Variants in PRICKLE1 observed in about 807,000 individuals in gnomAD.
The protein encoded by PRICKLE1 is prickle-like protein 1.
Under a neutral mutation model 70.2 loss-of-function variants are expected in PRICKLE1, and 14 were observed. That is an observed-to-expected ratio of 0.20 (90% CI 0.13 to 0.31). The LOEUF (loss-of-function observed/expected upper bound fraction) is 0.31. PRICKLE1 is among the 10% of genes least tolerant of loss of function. The pLI, the probability that PRICKLE1 is intolerant of heterozygous loss-of-function variation, is 1.00. For missense variants in PRICKLE1, 821 were observed against 1,026.2 expected (o/e 0.80, Z 2.73); for synonymous variants, 357 against 379.9 (o/e 0.94, Z 0.70).
In PRICKLE1 at chr12:42,521,688, G is replaced by A. The variant is rs541397592; in HGVS notation, c.-48-49124C>T. 4.6e-5 allele frequency among the ~76,000 whole-genome samples: 7 copies of A among 151,710 alleles called. No homozygotes were observed. In the South Asian group the frequency reaches 1.5e-3, roughly 32 times the overall value. ...TGCACTCCAGCTTGGGTGACAGAGT[G>A]AGACCTTGTCTCAAAAAAAAAAAGC... On this transcript the variant is annotated intron_variant, in intron 1 of 7. Coordinates refer to ENST00000345127, the MANE Select transcript of PRICKLE1 (RefSeq NM_153026.3).
intron 4 of PRICKLE1, 137 bp from the exon 5 acceptor site, chr12:42,468,966 C>CATTAAAGAGCTA (rs1938213898): frequency 2.5e-6 from 2 of 811,992 alleles, no homozygotes; most frequent in Non-Finnish European, 4.1e-6. Context: ...TTAAATAGCT[C>CATTAAAGAGCTA]TTTAATGCTG....
Position 42,589,680 on chromosome 12 carries a change from C to A in PRICKLE1, c.-264G>T, listed in dbSNP as rs1288701308. 1 of 151,850 alleles carries A rather than the reference C, an allele frequency of 6.6e-6. No individual in the cohort carries two copies. Among genetic ancestry groups the A allele is most frequent in the South Asian group, 2.1e-4 (1 of 4,872 alleles). The allele number at this position is 151,850 out of a possible 1,614,324, so 9.4% of individuals were successfully genotyped here. On this transcript the variant is annotated 5_prime_UTR_variant, in exon 1 of 8. Coordinates refer to ENST00000345127, the MANE Select transcript of PRICKLE1 (RefSeq NM_153026.3). The surrounding 1 kb of genome is among the most constrained non-coding windows in gnomAD (Gnocchi z 5.0). Reference sequence around the variant, plus strand: ...CAGGCTGCGCGAGGCTGGCATGTTCCGGGCGCGCTGTCGGGCGGCGGCGGC... The same window carrying A: ...CAGGCTGCGCGAGGCTGGCATGTTCAGGGCGCGCTGTCGGGCGGCGGCGGC...
chr12:42,578,336 T>C (rs779769611), intron 1 of PRICKLE1, among the ~76,000 whole-genome samples: 6 of 152,226 alleles, frequency 3.9e-5, no homozygotes, highest in Non-Finnish European at 8.8e-5. Flanking sequence ...ATCCATGTTT[T>C]AACATACATG....
intron 1 of PRICKLE1, among the ~76,000 whole-genome samples, chr12:42,533,031 T>C (rs114590695): frequency 3.3e-4 from 50 of 152,290 alleles, no homozygotes; most frequent in African/African-American, 1.2e-3. Context: ...AGTGTAGCTA[T>C]AGATAAGGCT....
At position 42,458,116 on chromosome 12, in the gene PRICKLE1, C is replaced by G. The variant is rs1439698471; in HGVS notation, c.*1693G>C. 6.6e-6 allele frequency: 1 copy of G among 152,158 alleles called. No individual in the cohort carries two copies. Among genetic ancestry groups the G allele is most frequent in the African/African-American group, 2.4e-5 (1 of 41,422 alleles). The allele number at this position is 152,158 out of a possible 1,614,324, so 9.4% of individuals were successfully genotyped here. On this transcript the variant is annotated 3_prime_UTR_variant, in exon 8 of 8. Coordinates refer to ENST00000345127, the MANE Select transcript of PRICKLE1 (RefSeq NM_153026.3). ...GTCCACCTACTACTCGCTGGTTTAC[C>G]CATTGGACTTGTGTCTGTCCTCCCT...
intron 1 of PRICKLE1, among the ~76,000 whole-genome samples, chr12:42,548,037 A>T (rs1193543228): frequency 2.0e-5 from 3 of 152,060 alleles, no homozygotes; most frequent in African/African-American, 7.2e-5. Flanking sequence ...CAAAGTTTTT[A>T]AATTTTGTTT....
chr12:42,535,090 C>T (rs1592009318), intron 1 of PRICKLE1, among the ~76,000 whole-genome samples: 1 of 152,170 alleles, frequency 6.6e-6, no homozygotes, highest in Non-Finnish European at 1.5e-5. Context: ...TGGAACATTC[C>T]ATACCCATGG....
Position 42,459,954 on chromosome 12 carries a change from G to A in PRICKLE1, c.2351C>T (p.Pro784Leu), listed in dbSNP as rs1937739287. 1.2e-6 allele frequency: 2 copies of A among 1,614,046 alleles called. No homozygotes were observed. Among genetic ancestry groups the A allele is most frequent in the African/African-American group, 1.3e-5 (1 of 74,922 alleles). The change falls in exon 8 of 8, where the codon CCT becomes CTT. Residue 784 changes from proline (P) to leucine (L), a missense_variant. Physicochemically the swap from Pro to Leu is moderately conservative, Grantham distance 98. Coordinates refer to ENST00000345127, the MANE Select transcript of PRICKLE1 (RefSeq NM_153026.3). Reference sequence around the variant, plus strand: ...GGCAAATCTCTGTGGCCGGGGTTGAGGGATTGGTTGTCCAAGAAAATATCC... The same window carrying A: ...GGCAAATCTCTGTGGCCGGGGTTGAAGGATTGGTTGTCCAAGAAAATATCC... ...EEGYFLGQPI[P>L]QPRPQRFAYY...
chr12:42,573,464 T>G (rs1167435283), intron 1 of PRICKLE1, among the ~76,000 whole-genome samples: 2 of 152,194 alleles, frequency 1.3e-5, no homozygotes, highest in Admixed American at 1.3e-4. Context: ...AGGTTTTAGC[T>G]TCTACAAAGA....
chr12:42,551,348 T>C (rs181786925), intron 1 of PRICKLE1, among the ~76,000 whole-genome samples: 1 of 152,344 alleles, frequency 6.6e-6, no homozygotes, highest in East Asian at 1.9e-4. Context: ...GATACCTGTG[T>C]GTAGCAGAGT....
At chr12:42,489,050 A>C (rs920692519) in intron 1 of PRICKLE1, among the ~76,000 whole-genome samples, 1 of 151,450 alleles carries the variant, frequency 6.6e-6, no homozygotes, top group African/African-American at 2.4e-5. Context: ...CAGCCTCCTG[A>C]GTAGCTGGGA....
chr12:42,514,891 A>ATCTATCTATCG (rs150184882), intron 1 of PRICKLE1, among the ~76,000 whole-genome samples: 1 of 35,596 alleles, frequency 2.8e-5, no homozygotes, highest in Non-Finnish European at 6.0e-5. Context: ...GGCTCGCTCT[A>ATCTATCTATCG]TCTATCTATC....
rs1937750441 is a variant in PRICKLE1, at chr12:42,460,085, A to C, written c.2220T>G (p.Asp740Glu). The C allele has an allele frequency of 6.2e-7, 1 of 1,614,080 alleles. No individual in the cohort carries two copies. Among genetic ancestry groups the C allele is most frequent in the South Asian group, 1.1e-5 (1 of 91,064 alleles). The change falls in exon 8 of 8, where the codon GAT becomes GAG. Residue 740 changes from aspartate (D) to glutamate (E), a missense_variant. By Grantham distance (45) the Asp-to-Glu change is conservative (BLOSUM62 2). Coordinates refer to ENST00000345127, the MANE Select transcript of PRICKLE1 (RefSeq NM_153026.3). ...TCATTCCTGGGTTCTGCAGGCCATA[A>C]TCGGAAGTGGCATGGGCGTACTGTC... ...LYGQYAHATS[D>E]YGLQNPGMNR...
Position 42,459,176 on chromosome 12 carries a change from TATA to T in PRICKLE1, c.*630_*632del. On this transcript the variant is annotated 3_prime_UTR_variant, in exon 8 of 8. Coordinates refer to ENST00000345127, the MANE Select transcript of PRICKLE1 (RefSeq NM_153026.3). ...GCTTTAAAATCTGAACTGTACAGTA[TATA>T]CATTAATATTTGCACCGTTAAATTA... The T allele has an allele frequency of 3.0e-6, 2 of 664,716 alleles. No individual in the cohort carries two copies. Among genetic ancestry groups the T allele is most frequent in the Non-Finnish European group, 5.4e-6 (2 of 370,144 alleles). The allele number at this position is 664,716 out of a possible 1,614,324, so 41.2% of individuals were successfully genotyped here.
chr12:42,564,379 G>A (rs1940586218), intron 1 of PRICKLE1, among the ~76,000 whole-genome samples: 1 of 152,170 alleles, frequency 6.6e-6, no homozygotes. Flanking sequence ...GGCTGAGGCA[G>A]GCGGATCACC....
At chr12:42,495,096 T>C (rs1053353451) in intron 1 of PRICKLE1, among the ~76,000 whole-genome samples, 1 of 151,454 alleles carries the variant, frequency 6.6e-6, no homozygotes, top group African/African-American at 2.4e-5. Flanking sequence ...GGCCTTGGCG[T>C]GGTTGCTCAT....
chr12:42,526,666 A>G (rs1939804344), intron 1 of PRICKLE1, among the ~76,000 whole-genome samples: 3 of 151,676 alleles, frequency 2.0e-5, no homozygotes, highest in African/African-American at 7.3e-5. Context: ...AGTGGTACAC[A>G]TTTTAGCACA....
At chr12:42,476,500 G>A (rs975852719) in intron 1 of PRICKLE1, among the ~76,000 whole-genome samples, 3 of 150,358 alleles carry the variant, frequency 2.0e-5, no homozygotes, top group African/African-American at 7.4e-5. Flanking sequence ...ATTTTTAGTA[G>A]AGACGGGGTT....
At chr12:42,587,291 C>G (rs144255600) in intron 1 of PRICKLE1, among the ~76,000 whole-genome samples, 195 of 152,292 alleles carry the variant, frequency 1.3e-3, no homozygotes, top group African/African-American at 4.2e-3. Context: ...ATATGTCTAT[C>G]TCTATAAACT....
Sources: gnomAD v4.1 joint callset for allele counts (sites outside exome capture counted in the v4.1 genomes callset) on GRCh38, gnomAD v4.1.1 for gene constraint, Gnocchi (gnomAD v3.1) non-coding constraint, MANE v1.5 for transcripts, NCBI Gene and HGNC (gene_info 2026-07-23, HGNC 2026-07-21) for gene names.